ABCD3: variants seen among roughly 807,000 people sequenced by gnomAD.
ABCD3 encodes ATP binding cassette subfamily D member 3, also known as ATP-binding cassette sub-family D member 3.
In ABCD3, 41 loss-of-function variants were observed where a neutral mutation model predicts 105.5. The observed-to-expected ratio is 0.39, with a 90% confidence interval of 0.30 to 0.50. The LOEUF (loss-of-function observed/expected upper bound fraction) is 0.50. ABCD3 is among the 20% of genes least tolerant of loss of function. The pLI, the probability that ABCD3 is intolerant of heterozygous loss-of-function variation, is 0.84. For synonymous variants in ABCD3, 258 were observed against 269.0 expected (o/e 0.96, Z 0.40); for missense variants, 622 against 806.3 (o/e 0.77, Z 2.77).
chr1:94,425,442 A>G (rs1442059795), intron 1 of ABCD3, among the ~76,000 whole-genome samples: 1 of 152,142 alleles, frequency 6.6e-6, no homozygotes, highest in Non-Finnish European at 1.5e-5. Context: ...CCTGTTAGCT[A>G]TTGAGGATCT....
chr1:94,399,376 TGTGA>T, the ABCD3 span, among the ~76,000 whole-genome samples: 1 of 152,236 alleles, frequency 6.6e-6, no homozygotes, highest in African/African-American at 2.4e-5. Flanking sequence ...TGTTCACATG[TGTGA>T]GTATGTAAGG....
upstream of ABCD3, among the ~76,000 whole-genome samples, chr1:94,414,583 A>G (rs994997522): frequency 6.6e-6 from 1 of 152,102 alleles, no homozygotes; most frequent in African/African-American, 2.4e-5. Flanking sequence ...CAGACCTGCA[A>G]TACACCTTTC....
the ABCD3 span, among the ~76,000 whole-genome samples, chr1:94,398,783 G>A: frequency 6.6e-6 from 1 of 151,968 alleles, no homozygotes; most frequent in Non-Finnish European, 1.5e-5. Flanking sequence ...ACATAGTGGC[G>A]GGCACCTGTT....
upstream of ABCD3, among the ~76,000 whole-genome samples, chr1:94,415,262 C>G (rs1350000856): frequency 6.6e-6 from 1 of 152,210 alleles, no homozygotes; most frequent in African/African-American, 2.4e-5. Flanking sequence ...ACACCATGAT[C>G]ACCAGGGACA....
intron 20 of ABCD3, among the ~76,000 whole-genome samples, chr1:94,506,078 TG>T (rs1456513214): frequency 6.6e-6 from 1 of 152,122 alleles, no homozygotes; most frequent in Admixed American, 6.6e-5. Context: ...GAACTGACAA[TG>T]GGGATATAAA....
rs1488184794 is a variant in ABCD3 at position 94,473,847 on chromosome 1, T to G, written c.405+12T>G. On this transcript the variant is annotated intron_variant, in intron 5 of 22. Coordinates refer to ENST00000370214, the MANE Select transcript of ABCD3 (RefSeq NM_002858.4). ...CTGCCATGCCTCTTGTAAGTTTAAT[T>G]CATTAAAAATCTTTTTAACACGGGA... The G allele has an allele frequency of 1.2e-6, 2 of 1,605,930 alleles. No homozygotes were observed. The highest frequency in any genetic ancestry group is 1.7e-6 in the Non-Finnish European group (2 of 1,173,368).
At chr1:94,483,525 A>G (rs1026711404) in intron 10 of ABCD3, among the ~76,000 whole-genome samples, 2 of 152,310 alleles carry the variant, frequency 1.3e-5, no homozygotes, top group Non-Finnish European at 2.9e-5. Flanking sequence ...CAAACCTGAC[A>G]AAAACAAGAA....
At chr1:94,515,487 CTT>C (rs1650875479) in intron 22 of ABCD3, among the ~76,000 whole-genome samples, 1 of 151,872 alleles carries the variant, frequency 6.6e-6, no homozygotes, top group Admixed American at 6.6e-5. Flanking sequence ...GTGAAGTAAA[CTT>C]TTCTTATCCA....
chr1:94,425,438 A>G (rs1013789224), intron 1 of ABCD3, among the ~76,000 whole-genome samples: 1 of 152,166 alleles, frequency 6.6e-6, no homozygotes, highest in Non-Finnish European at 1.5e-5. Context: ...TTTTCCTGTT[A>G]GCTATTGAGG....
At chr1:94,440,138 A>G (rs988092223) in intron 1 of ABCD3, among the ~76,000 whole-genome samples, 1 of 152,108 alleles carries the variant, frequency 6.6e-6, no homozygotes, top group Non-Finnish European at 1.5e-5. Flanking sequence ...CTGTAGGGAT[A>G]TTTTTATTCT....
chr1:94,468,078 A>G, intron 4 of ABCD3, 71 bp downstream of exon 4: 2 of 1,073,484 alleles, frequency 1.9e-6, no homozygotes, highest in South Asian at 2.6e-5. Flanking sequence ...CATTATCTTT[A>G]TAAGCAACAA....
At chr1:94,385,892 T>C in the ABCD3 span, among the ~76,000 whole-genome samples, 3 of 151,622 alleles carry the variant, frequency 2.0e-5, no homozygotes, top group Non-Finnish European at 4.4e-5. Context: ...ATCTTAACCA[T>C]GAAAAAAAAA....
intron 3 of ABCD3, among the ~76,000 whole-genome samples, chr1:94,467,311 A>G (rs1485147845): frequency 2.0e-5 from 3 of 152,016 alleles, no homozygotes; most frequent in Admixed American, 1.3e-4. Flanking sequence ...TGCTACCCCA[A>G]ACCTTCCCAT....
intron 1 of ABCD3, among the ~76,000 whole-genome samples, chr1:94,437,760 A>G (rs1659959733): frequency 6.6e-6 from 1 of 152,210 alleles, no homozygotes; most frequent in Non-Finnish European, 1.5e-5. Flanking sequence ...TTAAATAAAT[A>G]GAAAACCTGG....
In ABCD3 at chr1:94,488,939, G is replaced by A. The variant is rs534799044; in HGVS notation, c.1158-786G>A. The stretch of plus-strand genomic sequence containing the variant: ...TTTTCCACTTTGTTGAGGTATGATT[G>A]ACATATAAGAAACTGTTCATATTTA... On this transcript the variant is annotated intron_variant, in intron 13 of 22. Transcript: ENST00000370214. Among the ~76,000 whole-genome samples the A allele has an allele frequency of 2.8e-4, 42 of 148,624 alleles. No homozygotes were observed. In the South Asian group the frequency reaches 8.8e-3, roughly 31 times the overall value.
chr1:94,406,279 G>A, the ABCD3 span: 1 of 162,926 alleles, frequency 6.1e-6, no homozygotes, highest in Admixed American at 6.6e-5. Flanking sequence ...CTGTCGATCT[G>A]TCTATTCATG....
At chr1:94,496,041 A>G (rs1649781521) in intron 16 of ABCD3, among the ~76,000 whole-genome samples, 1 of 152,224 alleles carries the variant, frequency 6.6e-6, no homozygotes, top group Admixed American at 6.5e-5. Context: ...TTTTAGATCA[A>G]CTATGTGTTA....
the ABCD3 span, among the ~76,000 whole-genome samples, chr1:94,397,935 A>G: frequency 1.3e-5 from 2 of 152,256 alleles, no homozygotes; most frequent in African/African-American, 4.8e-5. Flanking sequence ...TCTTAACCAC[A>G]ATAATTATTA....
At chr1:94,458,731 A>G (rs1346322576) in intron 2 of ABCD3, 88 bp downstream of exon 2, 7 of 1,349,480 alleles carry the variant, frequency 5.2e-6, no homozygotes, top group Non-Finnish European at 7.4e-6. Context: ...ATTAAATTTT[A>G]TAATTAGTAG....
Sources: gnomAD v4.1 joint callset for allele counts (sites outside exome capture counted in the v4.1 genomes callset) on GRCh38, gnomAD v4.1.1 for gene constraint, MANE v1.5 for transcripts, NCBI Gene and HGNC (gene_info 2026-07-23, HGNC 2026-07-21) for gene names.